PSD3: variants seen among roughly 807,000 people sequenced by gnomAD.
PSD3 encodes the protein PH and SEC7 domain-containing protein 3.
In PSD3, 49 loss-of-function variants were observed where a neutral mutation model predicts 105.5. The observed-to-expected ratio is 0.46, with a 90% CI of 0.37 to 0.59. The LOEUF is 0.59. Ranked by LOEUF, PSD3 falls within the 20% of genes least tolerant of loss-of-function variation. PSD3 has a pLI of 0.00. For synonymous variants in PSD3, 557 were observed against 457.8 expected (o/e 1.22, Z -2.77); for missense variants, 1,561 against 1,263.8 (o/e 1.24, Z -3.57).
chr8:19,060,547 T>C (rs1485197393), intron 1 of PSD3, among the ~76,000 whole-genome samples: 1 of 152,136 alleles, frequency 6.6e-6, no homozygotes, highest in Non-Finnish European at 1.5e-5. Context: ...GACAGGAGGA[T>C]TGCTTGAGCC....
intron 10 of PSD3, among the ~76,000 whole-genome samples, chr8:18,640,606 A>G (rs920293451): frequency 1.2e-4 from 19 of 152,190 alleles, no homozygotes; most frequent in African/African-American, 4.1e-4. Context: ...CATAACTGTA[A>G]GTTTCCTGAG....
chr8:18,589,933 T>C (rs1328568362), intron 12 of PSD3, among the ~76,000 whole-genome samples: 2 of 152,202 alleles, frequency 1.3e-5, no homozygotes, highest in Non-Finnish European at 2.9e-5. Context: ...TAAACATCTG[T>C]ATTCCCTGCC....
chr8:18,736,493 A>G (rs1266270586), intron 9 of PSD3, among the ~76,000 whole-genome samples: 1 of 152,198 alleles, frequency 6.6e-6, no homozygotes, highest in Non-Finnish European at 1.5e-5. Flanking sequence ...CATTTACTAA[A>G]CTGTTTACTA....
chr8:18,872,105 G>C lies in PSD3; in HGVS notation c.759C>G (p.Leu253=). ...VQEPSCPLAS[L]GSSAVTCHSA... is the part of the protein sequence containing the mutation. The stretch of plus-strand genomic sequence containing the variant: ...AGTGGCAGGTCACTGCTGAGCTCCC[G>C]AGGGAGGCCAAAGGACAAGATGGCT... Residue 253 remains leucine (L), a synonymous_variant, in exon 3 of 16, where the codon CTC becomes CTG. Coordinates refer to ENST00000327040, the MANE Select transcript of PSD3 (RefSeq NM_015310.4). 1.2e-6 allele frequency: 2 copies of C among 1,614,088 alleles called. No homozygotes were observed. The highest frequency in any genetic ancestry group is 1.7e-6 in the Non-Finnish European group (2 of 1,180,006).
intron 1 of PSD3, among the ~76,000 whole-genome samples, chr8:18,992,835 AT>A (rs566487188): frequency 2.9e-4 from 43 of 150,734 alleles, no homozygotes; most frequent in Admixed American, 2.3e-3. Flanking sequence ...CATTTGCAAA[AT>A]GACATGAGAC....
intron 4 of PSD3, chr8:18,808,834 G>A (rs762087978): frequency 1.7e-5 from 28 of 1,610,004 alleles, no homozygotes; most frequent in South Asian, 6.6e-5. Context: ...CCGAAGCCCC[G>A]TCCAGTATTC....
chr8:18,564,476 C>T (rs893910217), intron 14 of PSD3, among the ~76,000 whole-genome samples: 5 of 151,830 alleles, frequency 3.3e-5, no homozygotes, highest in Admixed American at 6.6e-5. Context: ...TAAAAATAAA[C>T]ACATTAGCTG....
chr8:18,810,866 A>C (rs1410914245), intron 4 of PSD3, among the ~76,000 whole-genome samples: 1 of 152,254 alleles, frequency 6.6e-6, no homozygotes, highest in African/African-American at 2.4e-5. Flanking sequence ...AACAGACAAG[A>C]GGGCGGGTAC....
intron 1 of PSD3, among the ~76,000 whole-genome samples, chr8:19,052,854 G>A (rs1314635063): frequency 1.3e-5 from 2 of 152,098 alleles, no homozygotes; most frequent in Admixed American, 6.5e-5. Flanking sequence ...ACAGGTGCTT[G>A]GGTGCAGCTT....
At chr8:18,555,144 A>G (rs1800990065) in intron 15 of PSD3, among the ~76,000 whole-genome samples, 1 of 152,024 alleles carries the variant, frequency 6.6e-6, no homozygotes, top group South Asian at 2.1e-4. Context: ...CAGAAAAACA[A>G]CCGGCCAAAG....
At chr8:18,907,706 G>A (rs146877291) in intron 2 of PSD3, among the ~76,000 whole-genome samples, 7,100 of 152,266 alleles carry the variant, frequency 0.047, 199 homozygotes, top group Admixed American at 0.08. Context: ...GGGCGAAATC[G>A]CCTGATGACC....
At chr8:18,723,251 T>C (rs1225242115) in intron 9 of PSD3, among the ~76,000 whole-genome samples, 1 of 152,198 alleles carries the variant, frequency 6.6e-6, no homozygotes, top group Non-Finnish European at 1.5e-5. Flanking sequence ...AGCCCAGGTG[T>C]AACGATCAAT....
At chr8:18,897,009 C>T (rs1232662299) in intron 2 of PSD3, among the ~76,000 whole-genome samples, 1 of 151,636 alleles carries the variant, frequency 6.6e-6, no homozygotes, top group African/African-American at 2.4e-5. Context: ...AGGGTTTCTC[C>T]ATGTTGAGGC....
chr8:18,776,703 C>A (rs335222), intron 8 of PSD3, among the ~76,000 whole-genome samples: 6,171 of 152,246 alleles, frequency 0.041, 135 homozygotes, highest in Middle Eastern at 0.058. Context: ...TCTGACAGAA[C>A]TGAGCAGTGA....
chr8:18,617,605 A>G (rs113703223), intron 11 of PSD3, among the ~76,000 whole-genome samples: 2,645 of 152,234 alleles, frequency 0.017, 61 homozygotes, highest in African/African-American at 0.059. Context: ...TAAGCTCCCA[A>G]CTGCCTGAAT....
chr8:18,761,109 A>T (rs530281409), intron 9 of PSD3, among the ~76,000 whole-genome samples: 2 of 152,304 alleles, frequency 1.3e-5, no homozygotes, highest in South Asian at 4.1e-4. Context: ...GTCACTAAAA[A>T]CGCAAATCAA....
chr8:18,839,105 T>A (rs895386174), intron 4 of PSD3, among the ~76,000 whole-genome samples: 1 of 151,734 alleles, frequency 6.6e-6, no homozygotes, highest in Non-Finnish European at 1.5e-5. Context: ...CACTGAGCTC[T>A]CTCCCAAACA....
intron 9 of PSD3, among the ~76,000 whole-genome samples, chr8:18,685,941 G>A (rs1342635594): frequency 6.6e-6 from 1 of 152,020 alleles, no homozygotes; most frequent in African/African-American, 2.4e-5. Flanking sequence ...CATGCCCTTT[G>A]GATATTTGTC....
Position 18,774,229 on chromosome 8 carries a change from C to G in PSD3, c.2083-8691G>C, listed in dbSNP as rs181678494. On this transcript the variant is annotated intron_variant, in intron 8 of 15. Transcript: ENST00000327040. ...AATATTTTATTATGCTACATATAAA[C>G]AGAGTTTTTAAAAACTGAAACATAA... Among the ~76,000 whole-genome samples the G allele has an allele frequency of 2.6e-5, 4 of 152,184 alleles. No individual in the cohort carries two copies. The East Asian group carries it at 7.7e-4, about 29-fold the overall frequency.
Sources: gnomAD v4.1 joint callset for allele counts (sites outside exome capture counted in the v4.1 genomes callset) on GRCh38, gnomAD v4.1.1 for gene constraint, MANE v1.5 for transcripts, NCBI Gene and HGNC (gene_info 2026-07-23, HGNC 2026-07-21) for gene names.